OXNAD1: variants seen among roughly 807,000 people sequenced by gnomAD.
OXNAD1 encodes the protein oxidoreductase NAD binding domain containing 1.
Under a neutral mutation model 32.9 loss-of-function variants are expected in OXNAD1, and 34 were observed. The observed-to-expected ratio is 1.03, with a 90% CI of 0.79 to 1.38. The LOEUF is 1.38. Ranked by LOEUF, OXNAD1 falls within the 40% of genes most tolerant of loss-of-function variation. OXNAD1 has a pLI of 0.00. For synonymous variants in OXNAD1, 134 were observed against 135.2 expected (o/e 0.99, Z 0.06); for missense variants, 407 against 379.4 (o/e 1.07, Z -0.60).
chr3:16,273,832 C>T (rs2124988530), intron 4 of OXNAD1, among the ~76,000 whole-genome samples: 1 of 152,230 alleles, frequency 6.6e-6, no homozygotes, highest in Non-Finnish European at 1.5e-5. Flanking sequence ...TTTATTGTTA[C>T]CACAAAGTCT....
chr3:16,301,964 T>C lies in OXNAD1; in HGVS notation c.675+96T>C, dbSNP rs1437952472. Reference sequence around the variant, plus strand: ...TAGGTTTTGTTTTCTCTGCAAAGGTTCAAACAAAAGGCTTGGCAAGATTTA... The same window carrying C: ...TAGGTTTTGTTTTCTCTGCAAAGGTCCAAACAAAAGGCTTGGCAAGATTTA... On this transcript the variant is annotated intron_variant, in intron 7 of 8. Transcript: ENST00000285083. This position sits in a 1 kb window ranked among gnomAD's most constrained non-coding sequence, Gnocchi z 4.1. 1 of 1,464,736 alleles carries C rather than the reference T, an allele frequency of 6.8e-7. No homozygotes were observed. The highest frequency in any genetic ancestry group is 1.4e-5 in the African/African-American group (1 of 70,660). 90.7% of individuals were successfully genotyped at this position (1,464,736 alleles called of 1,614,324 possible). A position where few individuals can be genotyped will look rare whatever the true frequency, so the allele number is the denominator to read the frequency against.
chr3:16,291,818 T>A (rs576817300), intron 5 of OXNAD1, among the ~76,000 whole-genome samples: 3 of 152,304 alleles, frequency 2.0e-5, no homozygotes, highest in Admixed American at 2.0e-4. Flanking sequence ...ATTAAATTGT[T>A]TTCTAGAGTG....
chr3:16,311,374 T>G (rs1376369830), intron 9 of OXNAD1, among the ~76,000 whole-genome samples: 3 of 152,114 alleles, frequency 2.0e-5, no homozygotes, highest in Non-Finnish European at 4.4e-5. Flanking sequence ...GTATTTTTAA[T>G]AGAGACAGGG....
chr3:16,307,360 T>TAAAC (rs1429622003), downstream of OXNAD1, among the ~76,000 whole-genome samples: 5 of 152,280 alleles, frequency 3.3e-5, no homozygotes, highest in East Asian at 7.7e-4. Flanking sequence ...AGTTCTCTAA[T>TAAAC]AAACAGGTAG....
At chr3:16,279,740 G>C (rs1485383138) in intron 4 of OXNAD1, among the ~76,000 whole-genome samples, 2 of 152,142 alleles carry the variant, frequency 1.3e-5, no homozygotes, top group South Asian at 4.1e-4. Context: ...ATTCTGCTGA[G>C]AGGTCATCAC....
intron 9 of OXNAD1, chr3:16,347,690 G>T (rs2071825220): frequency 6.6e-6 from 1 of 152,200 alleles, no homozygotes; most frequent in African/African-American, 2.4e-5. Context: ...GGGGAACTAG[G>T]GAATTGAGGG....
downstream of OXNAD1, among the ~76,000 whole-genome samples, chr3:16,341,756 A>C (rs1429898365): frequency 6.6e-6 from 1 of 152,242 alleles, no homozygotes; most frequent in African/African-American, 2.4e-5. The surrounding 1 kb of genome is among the most constrained non-coding windows in gnomAD (Gnocchi z 4.7). Flanking sequence ...CATAGATTGA[A>C]GTACTCTATG....
chr3:16,350,740 G>C (rs1203778398), downstream of OXNAD1, among the ~76,000 whole-genome samples: 1 of 152,146 alleles, frequency 6.6e-6, no homozygotes, highest in Non-Finnish European at 1.5e-5. Flanking sequence ...GGCCTTTCAT[G>C]GGAGTGATTA....
At chr3:16,318,348 A>G (rs2068662044) in intron 9 of OXNAD1, among the ~76,000 whole-genome samples, 1 of 152,152 alleles carries the variant, frequency 6.6e-6, no homozygotes, top group Non-Finnish European at 1.5e-5. Context: ...TATATAATTG[A>G]GAGAAAAAGG....
At chr3:16,319,615 C>G (rs986290762) in intron 9 of OXNAD1, among the ~76,000 whole-genome samples, 10 of 152,330 alleles carry the variant, frequency 6.6e-5, no homozygotes, top group African/African-American at 2.4e-4. Flanking sequence ...GCTGCTCTTG[C>G]TAAATAACAG....
At chr3:16,285,411 G>A (rs2066007408) in intron 4 of OXNAD1, among the ~76,000 whole-genome samples, 1 of 152,184 alleles carries the variant, frequency 6.6e-6, no homozygotes, top group South Asian at 2.1e-4. Flanking sequence ...TTGCTGATTT[G>A]CTGCCACAAG....
At chr3:16,333,726 G>GA (rs930636954) in intron 9 of OXNAD1, among the ~76,000 whole-genome samples, 8 of 150,812 alleles carry the variant, frequency 5.3e-5, no homozygotes, top group Non-Finnish European at 7.4e-5. Context: ...TCATATTACA[G>GA]AAAAAAAAGG....
intron 9 of OXNAD1, among the ~76,000 whole-genome samples, chr3:16,332,046 T>C (rs1260972783): frequency 1.3e-5 from 2 of 152,326 alleles, no homozygotes; most frequent in African/African-American, 4.8e-5. Context: ...GGATTTTTTT[T>C]TTCTCCCCTA....
rs1298375901 is a variant in OXNAD1, at chr3:16,280,254, G to A, written c.184-6088G>A. On this transcript the variant is annotated intron_variant, in intron 4 of 8. Coordinates refer to ENST00000285083, the MANE Select transcript of OXNAD1 (RefSeq NM_138381.5). The surrounding 1 kb of genome is among the most constrained non-coding windows in gnomAD (Gnocchi z 4.5). ...AGGGTGTGATGCAGGAGAGAGGATA[G>A]TTGCTGGAGGGAAGGCTTGAGAAGA... 6.6e-6 allele frequency among the ~76,000 whole-genome samples: 1 copy of A among 152,166 alleles called. No individual in the cohort carries two copies. Among genetic ancestry groups the A allele is most frequent in the Admixed American group, 6.5e-5 (1 of 15,272 alleles).
chr3:16,313,594 T>G (rs944703812), intron 9 of OXNAD1: 1 of 152,220 alleles, frequency 6.6e-6, no homozygotes, highest in African/African-American at 2.4e-5. Flanking sequence ...CCAAGCACTT[T>G]ATTCACATCT....
chr3:16,315,373 C>A (rs2068277842), intron 9 of OXNAD1, among the ~76,000 whole-genome samples: 2 of 152,208 alleles, frequency 1.3e-5, no homozygotes, highest in Non-Finnish European at 2.9e-5. Context: ...GCCTCAGCCT[C>A]CCAAAGTGCT....
intron 9 of OXNAD1, among the ~76,000 whole-genome samples, chr3:16,324,656 G>A (rs1261298712): frequency 9.4e-6 from 1 of 106,404 alleles, no homozygotes; most frequent in East Asian, 2.3e-4. Context: ...TTGTGTGTGT[G>A]TGTGTGTGTG....
At position 16,301,788 on chromosome 3, in the gene OXNAD1, G is replaced by A; in HGVS notation, c.595G>A (p.Ala199Thr). 1 of 1,614,038 alleles carries A rather than the reference G, an allele frequency of 6.2e-7. No individual in the cohort carries two copies. The highest frequency in any genetic ancestry group is 8.5e-7 in the Non-Finnish European group (1 of 1,179,980). ...RHAADLLREQANKRNGYEIGT... is the reference protein window; with the variant it reads ...RHAADLLREQTNKRNGYEIGT... Reference sequence around the variant, plus strand: ...CGCAGCAGATCTCCTCAGAGAGCAGGCAAACAAAAGAAATGGATATGAGAT... The same window carrying A: ...CGCAGCAGATCTCCTCAGAGAGCAGACAAACAAAAGAAATGGATATGAGAT... Residue 199 changes from alanine to threonine, a missense_variant, in exon 7 of 9, where the codon GCA becomes ACA. Physicochemically the swap from Ala to Thr is moderately conservative, Grantham distance 58. Coordinates refer to ENST00000285083, the MANE Select transcript of OXNAD1 (RefSeq NM_138381.5). This position sits in a 1 kb window ranked among gnomAD's most constrained non-coding sequence, Gnocchi z 4.1.
Position 16,271,874 on chromosome 3 carries a change from G to A in OXNAD1, c.183+152G>A. On this transcript the variant is annotated intron_variant, in intron 4 of 8. Transcript: ENST00000285083. This position sits in a 1 kb window ranked among gnomAD's most constrained non-coding sequence, Gnocchi z 4.6. ...TTCTATTTAGAAATTTTCTGAGCAGGACATTTGATATCTGATTTGAAAAGA... is the reference window on the plus strand; with the variant it reads ...TTCTATTTAGAAATTTTCTGAGCAGAACATTTGATATCTGATTTGAAAAGA... 1.4e-6 allele frequency: 1 copy of A among 693,960 alleles called. No individual in the cohort carries two copies. Among genetic ancestry groups the A allele is most frequent in the South Asian group, 2.1e-5 (1 of 48,282 alleles). 43.0% of individuals were successfully genotyped at this position (693,960 alleles called of 1,614,324 possible).
Sources: allele counts gnomAD v4.1 joint callset (sites outside exome capture counted in the v4.1 genomes callset), GRCh38; gene constraint gnomAD v4.1.1; non-coding constraint Gnocchi (gnomAD v3.1); transcripts MANE v1.5; gene names NCBI Gene and HGNC (gene_info 2026-07-23, HGNC 2026-07-21).